Variants in IL1RAP observed in about 807,000 individuals in gnomAD.
IL1RAP encodes the protein interleukin-1 receptor accessory protein.
IL1RAP carries 35 observed loss-of-function variants against 60.7 expected under a neutral mutation model. That is an observed-to-expected ratio of 0.58 (90% CI 0.44 to 0.76). IL1RAP has a LOEUF of 0.76. IL1RAP is among the 30% of genes least tolerant of loss of function. The pLI is 0.00. For synonymous variants in IL1RAP, 268 were observed against 250.9 expected, an observed-to-expected ratio of 1.07 and a Z score of -0.64; for missense variants, 572 against 693.9, an observed-to-expected ratio of 0.82 and a Z score of 1.97.
chr3:190,533,146 G>T (rs1166059564), intron 1 of IL1RAP, among the ~76,000 whole-genome samples: 1 of 152,154 alleles, frequency 6.6e-6, no homozygotes, highest in African/African-American at 2.4e-5. Context: ...GGGAACCGTA[G>T]GCCCAACATG....
intron 3 of IL1RAP, among the ~76,000 whole-genome samples, chr3:190,575,716 A>G (rs11929157): frequency 0.21 from 32,121 of 152,188 alleles, 3,473 homozygotes; most frequent in East Asian, 0.33. Context: ...CATTGAAAGG[A>G]TTTGGGCAGG....
intron 3 of IL1RAP, among the ~76,000 whole-genome samples, chr3:190,598,762 A>G (rs564687459): frequency 1.3e-5 from 2 of 152,070 alleles, no homozygotes; most frequent in Non-Finnish European, 2.9e-5. Context: ...AACCCAAGGC[A>G]TTATCTTTTC....
intron 7 of IL1RAP, among the ~76,000 whole-genome samples, chr3:190,626,703 C>T (rs926956465): frequency 1.5e-5 from 2 of 132,792 alleles, no homozygotes; most frequent in African/African-American, 5.8e-5. Flanking sequence ...TGGAGTCTCA[C>T]TCTGTTGCCC....
intron 10 of IL1RAP, 83 bp downstream of exon 10, chr3:190,644,480 G>A: frequency 1.8e-6 from 2 of 1,132,310 alleles, no homozygotes; most frequent in Non-Finnish European, 2.6e-6. Context: ...AAGAAAACAT[G>A]TTGATTTGAA....
intron 5 of IL1RAP, among the ~76,000 whole-genome samples, chr3:190,611,808 G>A (rs1730847622): frequency 6.6e-6 from 1 of 151,980 alleles, no homozygotes; most frequent in Non-Finnish European, 1.5e-5. Context: ...TGACTAAGAG[G>A]GATGGAGGGA....
chr3:190,565,706 T>C (rs1359856970), intron 3 of IL1RAP, among the ~76,000 whole-genome samples: 1 of 152,196 alleles, frequency 6.6e-6, no homozygotes, highest in African/African-American at 2.4e-5. Context: ...CCAGCATCTG[T>C]CCTGCTTGGT....
intron 1 of IL1RAP, among the ~76,000 whole-genome samples, chr3:190,522,680 A>G (rs1457302935): frequency 6.6e-6 from 1 of 152,102 alleles, no homozygotes; most frequent in Non-Finnish European, 1.5e-5. Context: ...ACAATTTGGC[A>G]AACAATTGGG....
intron 1 of IL1RAP, among the ~76,000 whole-genome samples, chr3:190,523,217 T>G (rs1196510074): frequency 6.6e-6 from 1 of 152,136 alleles, no homozygotes; most frequent in Admixed American, 6.6e-5. Flanking sequence ...TGAATTTGCA[T>G]GGGTTGGGGT....
Position 190,648,980 on chromosome 3 carries a change from TG to T in IL1RAP, c.*276del. On this transcript the variant is annotated 3_prime_UTR_variant, in exon 12 of 12. Transcript: ENST00000447382. The stretch of plus-strand genomic sequence containing the variant: ...TCAATGCGAATTTCCCCTTCTACAT[TG>T]TCTATCCCTGTTTTTATATGTCTCC... 1 of 1,137,814 alleles carries T rather than the reference TG, an allele frequency of 8.8e-7. No individual in the cohort carries two copies. Among genetic ancestry groups the T allele is most frequent in the Non-Finnish European group, 1.1e-6 (1 of 927,098 alleles). 70.5% of individuals were successfully genotyped at this position (1,137,814 alleles called of 1,614,324 possible). A position where few individuals can be genotyped will look rare whatever the true frequency, so the allele number is the denominator to read the frequency against.
chr3:190,563,541 A>G (rs1367377820), intron 2 of IL1RAP: 2 of 152,216 alleles, frequency 1.3e-5, no homozygotes, highest in Non-Finnish European at 1.5e-5. Context: ...ATGTAAGGGT[A>G]TGGTTCACAG....
At chr3:190,644,059 A>G in intron 9 of IL1RAP, 189 bp from the exon 10 acceptor site, 1 of 903,874 alleles carries the variant, frequency 1.1e-6, no homozygotes, top group African/African-American at 1.8e-5. Context: ...GGTGCTGGAA[A>G]CAAAAAGATA....
intron 1 of IL1RAP, among the ~76,000 whole-genome samples, chr3:190,522,407 CTATG>C (rs112357224): frequency 0.064 from 8,185 of 127,066 alleles, 358 homozygotes; most frequent in African/African-American, 0.15. Flanking sequence ...ATGTATCTAT[CTATG>C]TATCTATGTA....
intron 1 of IL1RAP, among the ~76,000 whole-genome samples, chr3:190,547,302 C>G (rs1208120984): frequency 2.6e-5 from 4 of 152,306 alleles, no homozygotes; most frequent in African/African-American, 9.6e-5. Flanking sequence ...CCCTTCCCCC[C>G]ATCCAGTGTG....
intron 11 of IL1RAP, among the ~76,000 whole-genome samples, chr3:190,646,509 A>G (rs1486531686): frequency 6.6e-6 from 1 of 152,234 alleles, no homozygotes; most frequent in Non-Finnish European, 1.5e-5. Context: ...GTTTAAAAAG[A>G]AAGGAAATGC....
chr3:190,567,881 A>G (rs73886481), intron 3 of IL1RAP, among the ~76,000 whole-genome samples: 4,349 of 152,262 alleles, frequency 0.029, 115 homozygotes, highest in East Asian at 0.1. Flanking sequence ...TTCTGTTTGT[A>G]AGACTTCGAA....
chr3:190,542,879 ATTTTTTTT>A (rs66937098), intron 1 of IL1RAP, among the ~76,000 whole-genome samples: 4 of 104,804 alleles, frequency 3.8e-5, no homozygotes, highest in East Asian at 3.2e-4. Flanking sequence ...GATTAAGGGA[ATTTTTTTT>A]TTTTTTTTTT....
intron 3 of IL1RAP, among the ~76,000 whole-genome samples, chr3:190,576,793 C>T (rs1165915124): frequency 6.6e-6 from 1 of 152,208 alleles, no homozygotes; most frequent in Non-Finnish European, 1.5e-5. Context: ...TGCATCAAGA[C>T]ATGCTCAAAA....
chr3:190,626,449 A>C (rs1012163350), intron 7 of IL1RAP, among the ~76,000 whole-genome samples: 2 of 151,978 alleles, frequency 1.3e-5, no homozygotes, highest in Non-Finnish European at 2.9e-5. Context: ...TCTATTTTTA[A>C]GTTATCTTAA....
At chr3:190,644,903 C>T (rs1389211836) in intron 10 of IL1RAP, among the ~76,000 whole-genome samples, 2 of 152,082 alleles carry the variant, frequency 1.3e-5, no homozygotes, top group African/African-American at 2.4e-5. Context: ...CTCGTGGCTG[C>T]TGTATTGGAC....
Sources: gnomAD v4.1 joint callset for allele counts (sites outside exome capture counted in the v4.1 genomes callset) on GRCh38, gnomAD v4.1.1 for gene constraint, MANE v1.5 for transcripts, NCBI Gene and HGNC (gene_info 2026-07-23, HGNC 2026-07-21) for gene names.